NAT1: variants seen among roughly 807,000 people sequenced by gnomAD.
The protein encoded by NAT1 is N-acetyltransferase 1.
For synonymous variants in NAT1, 144 were observed against 122.6 expected, an observed-to-expected ratio of 1.17 and a Z score of -1.16; for missense variants, 400 against 339.2, an observed-to-expected ratio of 1.18 and a Z score of -1.41.
At chr8:18,215,303 C>T (rs957138691) in intron 1 of NAT1, among the ~76,000 whole-genome samples, 2 of 152,192 alleles carry the variant, frequency 1.3e-5, no homozygotes, top group Non-Finnish European at 2.9e-5. Context: ...TTCGGAAGCA[C>T]CAATTGTCTT....
chr8:18,180,082 CA>C (rs1802451633), intron 2 of NAT1, among the ~76,000 whole-genome samples: 1 of 151,974 alleles, frequency 6.6e-6, no homozygotes, highest in South Asian at 2.1e-4. Flanking sequence ...GCATGAAAGA[CA>C]AGGTGTGTAG....
At chr8:18,196,565 T>C (rs1023797063) in intron 2 of NAT1, among the ~76,000 whole-genome samples, 2 of 152,236 alleles carry the variant, frequency 1.3e-5, no homozygotes, top group African/African-American at 4.8e-5. Context: ...GCTGTACTTA[T>C]TACCGATACA....
intron 1 of NAT1, among the ~76,000 whole-genome samples, chr8:18,213,066 C>T (rs1380999428): frequency 5.5e-5 from 4 of 72,972 alleles, no homozygotes; most frequent in African/African-American, 1.7e-4. Context: ...CACCACACCT[C>T]GCTTTTTTTT....
rs557756108 is a variant in NAT1 at position 18,191,653 on chromosome 8, G to A, written n.93-18128G>A. 3.5e-3 allele frequency among the ~76,000 whole-genome samples: 525 copies of A among 152,144 alleles called. 2 individuals are homozygous for A. Among genetic ancestry groups the A allele is most frequent in the Non-Finnish European group, 5.7e-3 (385 of 67,996 alleles). On this transcript the variant is annotated intron_variant and non_coding_transcript_variant, in intron 2 of 4. Coordinates refer to the NAT1 transcript ENST00000517441. ...TGGTACCAAAACAGAGATATAGATC[G>A]ATGGAACAGAACAGAGCCCTCAGAA...
intron 1 of NAT1, among the ~76,000 whole-genome samples, chr8:18,215,432 T>C (rs867508192): frequency 2.6e-5 from 4 of 152,258 alleles, no homozygotes; most frequent in African/African-American, 4.8e-5. Context: ...GATACGATAT[T>C]GTATCTATAT....
At chr8:18,198,416 T>C (rs1803324079) in intron 2 of NAT1, among the ~76,000 whole-genome samples, 1 of 152,196 alleles carries the variant, frequency 6.6e-6, no homozygotes, top group African/African-American at 2.4e-5. Flanking sequence ...GATTCTTAAA[T>C]CCCCTTCTAT....
intron 2 of NAT1, among the ~76,000 whole-genome samples, chr8:18,195,107 C>T (rs1040561738): frequency 2.0e-5 from 3 of 152,174 alleles, no homozygotes; most frequent in Admixed American, 6.6e-5. Flanking sequence ...GGGATCATCT[C>T]AAGACCAGGA....
chr8:18,172,877 C>A lies in NAT1; in HGVS notation n.92+2138C>A, dbSNP rs182224690. 1.1e-4 allele frequency among the ~76,000 whole-genome samples: 17 copies of A among 152,228 alleles called. No homozygotes were observed. The East Asian group carries it at 3.3e-3, about 29-fold the overall frequency. On this transcript the variant is annotated intron_variant and non_coding_transcript_variant, in intron 2 of 4. Transcript: ENST00000517441. ...AACTTGAGTGGATGCTTCAAGGTCA[C>A]CTGCCAGGGAGACTTTCTAAAACGA...
intron 2 of NAT1, among the ~76,000 whole-genome samples, chr8:18,178,604 C>A (rs533789164): frequency 2.0e-5 from 3 of 152,232 alleles, no homozygotes; most frequent in Non-Finnish European, 4.4e-5. Context: ...ATCAAGTTTT[C>A]CTAGTGAAAA....
At chr8:18,177,836 A>C (rs1802347786) in intron 2 of NAT1, among the ~76,000 whole-genome samples, 1 of 152,102 alleles carries the variant, frequency 6.6e-6, no homozygotes, top group African/African-American at 2.4e-5. Context: ...TAGAAGACGG[A>C]TGTTTCTAAT....
chr8:18,203,622 A>G (rs746589312), intron 2 of NAT1, among the ~76,000 whole-genome samples: 15 of 152,186 alleles, frequency 9.9e-5, no homozygotes, highest in Non-Finnish European at 2.1e-4. Flanking sequence ...CCTCCTGGCT[A>G]TGCTGGGAAG....
At chr8:18,196,858 A>C (rs1443545597) in intron 2 of NAT1, among the ~76,000 whole-genome samples, 1 of 152,228 alleles carries the variant, frequency 6.6e-6, no homozygotes, top group African/African-American at 2.4e-5. Context: ...ATGTGATGTT[A>C]GAGTTCACAA....
At chr8:18,181,926 C>T (rs1439470077) in intron 2 of NAT1, among the ~76,000 whole-genome samples, 1 of 152,164 alleles carries the variant, frequency 6.6e-6, no homozygotes, top group Non-Finnish European at 1.5e-5. Flanking sequence ...GGTTTGGAAT[C>T]AGGCACTGTG....
intron 2 of NAT1, among the ~76,000 whole-genome samples, chr8:18,180,908 C>T (rs192701378): frequency 6.6e-6 from 1 of 152,158 alleles, no homozygotes; most frequent in African/African-American, 2.4e-5. Flanking sequence ...GTTGCTATAG[C>T]TTTATAGTAT....
At chr8:18,177,534 T>C (rs1342840635) in intron 2 of NAT1, among the ~76,000 whole-genome samples, 2 of 152,134 alleles carry the variant, frequency 1.3e-5, no homozygotes, top group African/African-American at 4.8e-5. Context: ...TACCCATAAA[T>C]ACTACTAGGT....
intron 2 of NAT1, among the ~76,000 whole-genome samples, chr8:18,197,417 T>A (rs576203853): frequency 6.6e-6 from 1 of 152,302 alleles, no homozygotes; most frequent in South Asian, 2.1e-4. Flanking sequence ...AGGAGTGATC[T>A]CTCCACCTCT....
chr8:18,199,518 G>A (rs990084427), intron 2 of NAT1, among the ~76,000 whole-genome samples: 3 of 151,982 alleles, frequency 2.0e-5, no homozygotes, highest in East Asian at 1.9e-4. Flanking sequence ...TGTGCCATCC[G>A]TCCCCTTTAA....
At chr8:18,193,145 C>T (rs1320089324) in intron 2 of NAT1, among the ~76,000 whole-genome samples, 3 of 134,388 alleles carry the variant, frequency 2.2e-5, no homozygotes, top group African/African-American at 5.6e-5. Context: ...GTGATGCAAT[C>T]ACGGCTCACT....
chr8:18,219,413 T>A lies in NAT1; in HGVS notation c.-83T>A. ...ACTGTCTTTTCTCTTATTTCTAGAA[T>A]TCAAGCCAGGAAGAAGCAGCAATCT... On this transcript the variant is annotated splice_region_variant and 5_prime_UTR_variant, in exon 2 of 3. Coordinates refer to ENST00000307719, the MANE Select transcript of NAT1 (RefSeq NM_000662.8). 1.3e-6 allele frequency: 2 copies of A among 1,546,330 alleles called. No individual in the cohort carries two copies. Among genetic ancestry groups the A allele is most frequent in the Non-Finnish European group, 8.7e-7 (1 of 1,144,052 alleles).
Sources: allele counts gnomAD v4.1 joint callset (sites outside exome capture counted in the v4.1 genomes callset), GRCh38; gene constraint gnomAD v4.1.1; transcripts MANE v1.5; gene names NCBI Gene and HGNC (gene_info 2026-07-23, HGNC 2026-07-21).